The following MALRD1 variants were observed in gnomAD, a reference collection of about 807,000 sequenced individuals.
MALRD1 encodes the protein MAM and LDL receptor class A domain containing 1.
MALRD1 carries 247 observed loss-of-function variants against 242.1 expected under a neutral mutation model. That is an observed-to-expected ratio of 1.02 (90% CI 0.92 to 1.13). The LOEUF (loss-of-function observed/expected upper bound fraction) is 1.13, where lower values mean the gene tolerates loss of function less well. Ranked by LOEUF, MALRD1 falls within the 50% of genes most tolerant of loss-of-function variation. The pLI, the probability that MALRD1 is intolerant of heterozygous loss-of-function variation, is 0.00. For missense variants in MALRD1, 2,989 were observed against 2,533.1 expected, an observed-to-expected ratio of 1.18 and a Z score of -3.86; for synonymous variants, 995 against 866.6, an observed-to-expected ratio of 1.15 and a Z score of -2.60.
intron 31 of MALRD1, among the ~76,000 whole-genome samples, chr10:19,525,276 T>C (rs760997318): frequency 2.0e-5 from 3 of 151,900 alleles, no homozygotes; most frequent in Non-Finnish European, 4.4e-5. Flanking sequence ...TTGATTACCT[T>C]ATAGTAGAAT....
chr10:19,652,392 G>A (rs1417545964), intron 36 of MALRD1, among the ~76,000 whole-genome samples: 1 of 152,170 alleles, frequency 6.6e-6, no homozygotes, highest in South Asian at 2.1e-4. Flanking sequence ...AGTAGTGCTC[G>A]AGTATGTGGC....
At chr10:19,391,353 T>A (rs906723138) in intron 28 of MALRD1, among the ~76,000 whole-genome samples, 1 of 152,174 alleles carries the variant, frequency 6.6e-6, no homozygotes, top group African/African-American at 2.4e-5. Flanking sequence ...AATCATTTCA[T>A]CTTGGTGATT....
rs1018505640 is a variant in MALRD1 at position 19,505,872 on chromosome 10, A to G, written c.5320+7226A>G. Among the ~76,000 whole-genome samples, 39 of 152,200 alleles carry G rather than the reference A, an allele frequency of 2.6e-4. 1 individual carries two copies. Among genetic ancestry groups the G allele is most frequent in the Admixed American group, 9.2e-4 (14 of 15,280 alleles). On this transcript the variant is annotated intron_variant, in intron 31 of 39. Transcript: ENST00000454679. ...TACAGCCTGAAAATGAGTCAGTGTC[A>G]TAGTTGGGGTTACACAGGATCATCA...
At chr10:19,297,298 C>T (rs771203499) in intron 21 of MALRD1, among the ~76,000 whole-genome samples, 3 of 151,454 alleles carry the variant, frequency 2.0e-5, no homozygotes, top group Non-Finnish European at 2.9e-5. Context: ...TAATTGTTTT[C>T]ACTTTATGAA....
chr10:19,216,960 A>AAAAAAAAT (rs1837346437), intron 18 of MALRD1, among the ~76,000 whole-genome samples: 1 of 35,274 alleles, frequency 2.8e-5, no homozygotes. Flanking sequence ...AAAAAAAAAT[A>AAAAAAAAT]AAAATAAAAT....
rs10685643 is a variant in MALRD1 at position 19,295,462 on chromosome 10, GGTGT to G, written c.3419+12302_3419+12305del. Reference sequence around the variant, plus strand: ...TTATGCCTTGCCCAAGTATGTTTTGGGTGTGTGTGTGTGTGTGTGTGTGTCCTGT... The same window carrying G: ...TTATGCCTTGCCCAAGTATGTTTTGGGTGTGTGTGTGTGTGTGTGTCCTGT... On this transcript the variant is annotated intron_variant, in intron 21 of 39. Coordinates refer to ENST00000454679, the MANE Select transcript of MALRD1 (RefSeq NM_001142308.3). Among the ~76,000 whole-genome samples the G allele has an allele frequency of 3.2e-3, 482 of 149,110 alleles. 2 individuals are homozygous for G. Among genetic ancestry groups the G allele is most frequent in the African/African-American group, 0.011 (461 of 40,652 alleles).
chr10:19,268,674 GTAA>G (rs1232864680), intron 19 of MALRD1, among the ~76,000 whole-genome samples: 1 of 152,112 alleles, frequency 6.6e-6, no homozygotes, highest in Non-Finnish European at 1.5e-5. Context: ...TCTAAAGTTG[GTAA>G]TAATTTATCA....
At chr10:19,360,132 G>A (rs1176162596) in intron 26 of MALRD1, among the ~76,000 whole-genome samples, 2 of 151,992 alleles carry the variant, frequency 1.3e-5, no homozygotes, top group Non-Finnish European at 2.9e-5. Flanking sequence ...ATTTATATAA[G>A]CAGGACATCT....
intron 31 of MALRD1, among the ~76,000 whole-genome samples, chr10:19,516,504 C>A (rs1263091116): frequency 6.6e-6 from 1 of 152,078 alleles, no homozygotes; most frequent in African/African-American, 2.4e-5. Context: ...GAGTCAAATT[C>A]TTTTTCTTGT....
intron 21 of MALRD1, among the ~76,000 whole-genome samples, chr10:19,308,101 G>A (rs955044884): frequency 2.0e-5 from 3 of 151,506 alleles, no homozygotes; most frequent in African/African-American, 2.4e-5. Context: ...TCACCCCAGT[G>A]TGCTGTCAAG....
chr10:19,731,897 G>C (rs1835311963), intron 39 of MALRD1, among the ~76,000 whole-genome samples: 1 of 152,162 alleles, frequency 6.6e-6, no homozygotes, highest in African/African-American at 2.4e-5. Context: ...TTATGAAAAT[G>C]AGTAGCAAGG....
intron 14 of MALRD1, among the ~76,000 whole-genome samples, chr10:19,182,895 C>G (rs1431384655): frequency 6.6e-6 from 1 of 152,060 alleles, no homozygotes; most frequent in Non-Finnish European, 1.5e-5. Context: ...TTAATACTTT[C>G]TCCTTAGTAA....
At chr10:19,644,868 C>A (rs909386279) in intron 36 of MALRD1, among the ~76,000 whole-genome samples, 4 of 152,082 alleles carry the variant, frequency 2.6e-5, no homozygotes, top group Non-Finnish European at 5.9e-5. Flanking sequence ...TAACTCTTAA[C>A]CCTCAAAACT....
chr10:19,401,677 TTTTAA>T (rs2130855152), intron 28 of MALRD1, among the ~76,000 whole-genome samples: 2 of 152,124 alleles, frequency 1.3e-5, no homozygotes, highest in South Asian at 4.2e-4. Flanking sequence ...AAATATAAAT[TTTTAA>T]TTTAATTCTC....
chr10:19,336,753 G>C (rs1262563884), intron 24 of MALRD1, among the ~76,000 whole-genome samples: 1 of 152,020 alleles, frequency 6.6e-6, no homozygotes, highest in Non-Finnish European at 1.5e-5. Context: ...AAAATGTTTT[G>C]CCTTAAAAAA....
intron 5 of MALRD1, among the ~76,000 whole-genome samples, chr10:19,109,484 A>G (rs1456598288): frequency 1.3e-5 from 2 of 152,172 alleles, no homozygotes; most frequent in East Asian, 3.9e-4. Flanking sequence ...GGGTAAAGAC[A>G]TCTCATAAGC....
At chr10:19,616,042 GA>G in intron 36 of MALRD1, 119 bp downstream of exon 36, 1 of 654,050 alleles carries the variant, frequency 1.5e-6, no homozygotes, top group African/African-American at 1.8e-5. Flanking sequence ...AAAAATAGTG[GA>G]TAATGGTACT....
At position 19,406,964 on chromosome 10, in the gene MALRD1, G is replaced by A. The variant is rs371561676; in HGVS notation, c.4845+17355G>A. Among the ~76,000 whole-genome samples, 12 of 151,918 alleles carry A rather than the reference G, an allele frequency of 7.9e-5. No individual in the cohort carries two copies. The East Asian group carries it at 1.4e-3, about 17-fold the overall frequency. On this transcript the variant is annotated intron_variant, in intron 28 of 39. Coordinates refer to ENST00000454679, the MANE Select transcript of MALRD1 (RefSeq NM_001142308.3). ...TTTTAGTTTTTCATATAGAACCCTC[G>A]TGTATACCTTCCACCACCAAACACA...
chr10:19,120,360 A>G (rs1264634238), intron 5 of MALRD1, among the ~76,000 whole-genome samples: 1 of 152,208 alleles, frequency 6.6e-6, no homozygotes. Flanking sequence ...GTTGATGAAA[A>G]AAATTAAATA....
Sources: gnomAD v4.1 joint callset for allele counts (sites outside exome capture counted in the v4.1 genomes callset) on GRCh38, gnomAD v4.1.1 for gene constraint, MANE v1.5 for transcripts, NCBI Gene and HGNC (gene_info 2026-07-23, HGNC 2026-07-21) for gene names.